Variants in MEIS2 observed in about 807,000 individuals in gnomAD.
MEIS2 encodes the protein Meis homeobox 2.
MEIS2 carries 9 observed loss-of-function variants against 58.6 expected under a neutral mutation model. The ratio of observed to expected loss-of-function variants is 0.15; its 90% CI spans 0.09 to 0.27. The LOEUF (loss-of-function observed/expected upper bound fraction) is 0.27, where lower values mean the gene tolerates loss of function less well. Among genes scored for constraint, MEIS2 ranks in the 10% least tolerant of loss-of-function variants. The pLI is 1.00. For synonymous variants in MEIS2, 221 were observed against 228.4 expected, an observed-to-expected ratio of 0.97 and a Z score of 0.29; for missense variants, 427 against 635.0, an observed-to-expected ratio of 0.67 and a Z score of 3.52.
chr15:36,977,736 T>C (rs1290943118), intron 8 of MEIS2, among the ~76,000 whole-genome samples: 1 of 152,192 alleles, frequency 6.6e-6, no homozygotes, highest in African/African-American at 2.4e-5. Context: ...ACTCCCTATC[T>C]CTAATTCCTA....
chr15:37,041,681 C>T (rs531308080), intron 7 of MEIS2, among the ~76,000 whole-genome samples: 14 of 152,162 alleles, frequency 9.2e-5, no homozygotes, highest in East Asian at 1.9e-4. Context: ...GGAAGGACGT[C>T]GGCACACTAT....
At chr15:36,965,235 T>C (rs942598937) in intron 8 of MEIS2, among the ~76,000 whole-genome samples, 6 of 152,196 alleles carry the variant, frequency 3.9e-5, no homozygotes, top group Non-Finnish European at 8.8e-5. Flanking sequence ...TATGAAAACA[T>C]TGGTGATGTT....
chr15:36,894,928 A>G, intron 11 of MEIS2: 1 of 1,043,502 alleles, frequency 9.6e-7, no homozygotes, highest in Non-Finnish European at 1.5e-6. Flanking sequence ...AAAAGAAAAA[A>G]GAAAAAGGAT....
At chr15:36,982,930 T>C (rs1450862834) in intron 8 of MEIS2, among the ~76,000 whole-genome samples, 2 of 152,318 alleles carry the variant, frequency 1.3e-5, no homozygotes, top group East Asian at 3.9e-4. Context: ...ATATACCAAT[T>C]GGCCATTTGT....
chr15:37,085,744 A>T (rs1892801911), intron 6 of MEIS2, among the ~76,000 whole-genome samples: 1 of 152,160 alleles, frequency 6.6e-6, no homozygotes, highest in Admixed American at 6.5e-5. Context: ...AGTAGAATAA[A>T]ATAAAAGTCA....
At chr15:37,062,711 C>T (rs751844751) in intron 7 of MEIS2, among the ~76,000 whole-genome samples, 1 of 152,212 alleles carries the variant, frequency 6.6e-6, no homozygotes, top group East Asian at 1.9e-4. Flanking sequence ...ATCAAATTTA[C>T]ATATAAGGAC....
At chr15:37,069,699 C>A (rs1890434273) in intron 7 of MEIS2, among the ~76,000 whole-genome samples, 1 of 152,108 alleles carries the variant, frequency 6.6e-6, no homozygotes, top group Non-Finnish European at 1.5e-5. Context: ...ACAAAAATAC[C>A]TTCTGGGATC....
intron 7 of MEIS2, among the ~76,000 whole-genome samples, chr15:37,043,656 C>T (rs1445361134): frequency 8.8e-5 from 13 of 147,476 alleles, no homozygotes; most frequent in Admixed American, 8.1e-4. Context: ...AACCAGTTCT[C>T]TATCTCTAGA....
intron 6 of MEIS2, among the ~76,000 whole-genome samples, chr15:37,090,232 A>C (rs187761559): frequency 1.1e-4 from 17 of 152,158 alleles, no homozygotes; most frequent in African/African-American, 3.6e-4. Context: ...CATGCATTAT[A>C]AATTTACTAA....
chr15:36,935,190 T>C (rs1336890606), intron 9 of MEIS2, among the ~76,000 whole-genome samples: 3 of 150,702 alleles, frequency 2.0e-5, no homozygotes, highest in African/African-American at 2.4e-5. Context: ...TTTTTTCTTT[T>C]TTTTTTTTTT....
At chr15:37,045,674 G>A (rs1456785902) in intron 7 of MEIS2, among the ~76,000 whole-genome samples, 2 of 152,140 alleles carry the variant, frequency 1.3e-5, no homozygotes, top group Non-Finnish European at 2.9e-5. Context: ...GGCCAGCAGT[G>A]AGACCTGCTA....
rs5811952 is a variant in MEIS2, at chr15:36,969,896, CT to C, written c.901-19497del. 3.0e-3 allele frequency among the ~76,000 whole-genome samples: 450 copies of C among 151,332 alleles called. 4 individuals are homozygous for C. Among genetic ancestry groups the C allele is most frequent in the African/African-American group, 0.01 (414 of 41,254 alleles). On this transcript the variant is annotated intron_variant, in intron 8 of 11. Coordinates refer to ENST00000561208, the MANE Select transcript of MEIS2 (RefSeq NM_170675.5). ...AGACTTGAGAACAATGTCTTTTTGG[CT>C]TTTTTTTTCTTTTCGCAAAAAAAGT... is the stretch of plus-strand genomic sequence containing the variant.
chr15:37,012,416 T>C (rs2141639434), intron 8 of MEIS2, among the ~76,000 whole-genome samples: 1 of 152,322 alleles, frequency 6.6e-6, no homozygotes, highest in South Asian at 2.1e-4. Flanking sequence ...CATGCTTCCG[T>C]TTTTATCACT....
intron 9 of MEIS2, among the ~76,000 whole-genome samples, chr15:36,910,195 G>C (rs2056940950): frequency 6.6e-6 from 1 of 152,112 alleles, no homozygotes; most frequent in Non-Finnish European, 1.5e-5. Flanking sequence ...AACAGAGCCA[G>C]AACTTGTCTC....
At chr15:36,919,577 C>CA (rs59119561) in intron 9 of MEIS2, among the ~76,000 whole-genome samples, 42 of 133,994 alleles carry the variant, frequency 3.1e-4, no homozygotes, top group Non-Finnish European at 4.0e-4. Context: ...AACTCCGTCT[C>CA]AAAAAAAAAA....
chr15:37,095,840 A>T, intron 3 of MEIS2: 1 of 606,878 alleles, frequency 1.6e-6, no homozygotes, highest in Non-Finnish European at 2.8e-6. Context: ...AGCTGTAGCC[A>T]GGAACTCAGG....
intron 9 of MEIS2, among the ~76,000 whole-genome samples, chr15:36,915,709 C>T (rs1212058072): frequency 2.6e-5 from 4 of 152,216 alleles, no homozygotes; most frequent in Middle Eastern, 3.4e-3. Flanking sequence ...GGTGGTATCA[C>T]GGATTCATTT....
chr15:36,978,429 C>G (rs1166922441), intron 8 of MEIS2, among the ~76,000 whole-genome samples: 1 of 152,336 alleles, frequency 6.6e-6, no homozygotes, highest in South Asian at 2.1e-4. Flanking sequence ...GTGCTCTTAT[C>G]GCTGTACCAC....
intron 8 of MEIS2, among the ~76,000 whole-genome samples, chr15:37,027,854 G>A (rs775413270): frequency 1.2e-4 from 18 of 151,644 alleles, no homozygotes; most frequent in African/African-American, 4.9e-5. Context: ...TAAATCCCTG[G>A]CCCCACACAT....
Sources: allele counts gnomAD v4.1 joint callset (sites outside exome capture counted in the v4.1 genomes callset), GRCh38; gene constraint gnomAD v4.1.1; transcripts MANE v1.5; gene names NCBI Gene and HGNC (gene_info 2026-07-23, HGNC 2026-07-21).